FHIT: variants seen among roughly 807,000 people sequenced by gnomAD.
FHIT encodes the protein bis(5'-adenosyl)-triphosphatase.
Under a neutral mutation model 17.9 loss-of-function variants are expected in FHIT, and 19 were observed. The ratio of observed to expected loss-of-function variants is 1.06; its 90% CI spans 0.74 to 1.56. FHIT has a LOEUF of 1.56. Ranked by LOEUF, FHIT falls within the 40% of genes most tolerant of loss-of-function variation. The pLI is 0.00. For synonymous variants in FHIT, 81 were observed against 69.7 expected (o/e 1.16, Z -0.81); for missense variants, 248 against 189.2 (o/e 1.31, Z -1.82).
intron 4 of FHIT, among the ~76,000 whole-genome samples, chr3:60,763,138 A>T (rs1211521964): frequency 6.6e-6 from 1 of 152,088 alleles, no homozygotes; most frequent in Admixed American, 6.6e-5. Context: ...GAATATGAGT[A>T]CTCCTGACTC....
At chr3:60,116,135 A>C (rs1240308034) in intron 5 of FHIT, among the ~76,000 whole-genome samples, 5 of 152,240 alleles carry the variant, frequency 3.3e-5, no homozygotes, top group African/African-American at 1.2e-4. Context: ...GTGTTATGAC[A>C]AAGAAAAAGA....
intron 5 of FHIT, among the ~76,000 whole-genome samples, chr3:60,420,477 T>A (rs778849482): frequency 2.6e-5 from 4 of 152,184 alleles, no homozygotes; most frequent in African/African-American, 4.8e-5. Context: ...ATTTTTTTTA[T>A]TTAAAATGAT....
intron 5 of FHIT, among the ~76,000 whole-genome samples, chr3:60,089,544 T>C (rs1474525): frequency 2.6e-5 from 4 of 152,084 alleles, no homozygotes; most frequent in Non-Finnish European, 4.4e-5. Flanking sequence ...TTCTGGGTTA[T>C]GAACCTAAAT....
chr3:61,229,636 T>C (rs2040051389), intron 1 of FHIT, among the ~76,000 whole-genome samples: 1 of 152,172 alleles, frequency 6.6e-6, no homozygotes, highest in African/African-American at 2.4e-5. Flanking sequence ...AATACTCATC[T>C]CACAGGTCAG....
In FHIT at chr3:60,663,862, C is replaced by T. The variant is rs535572428; in HGVS notation, c.-17-126883G>A. Among the ~76,000 whole-genome samples, 454 of 152,288 alleles carry T rather than the reference C, an allele frequency of 3.0e-3. 1 individual carries two copies. The highest frequency in any genetic ancestry group is 5.3e-3 in the Non-Finnish European group (358 of 68,030). ...GATTAACTGTTGTATGCATCCTGCA[C>T]CCTTGCTGAACTCACTTGTTCTAGG... On this transcript the variant is annotated intron_variant, in intron 4 of 9. Coordinates refer to ENST00000492590, the MANE Select transcript of FHIT (RefSeq NM_002012.4).
chr3:60,886,780 A>T (rs1191121823), intron 3 of FHIT, among the ~76,000 whole-genome samples: 1 of 152,136 alleles, frequency 6.6e-6, no homozygotes, highest in Non-Finnish European at 1.5e-5. Flanking sequence ...CTTGAATGCC[A>T]GTTAATACAT....
At chr3:60,032,772 T>C (rs557878620) in intron 5 of FHIT, among the ~76,000 whole-genome samples, 31 of 149,100 alleles carry the variant, frequency 2.1e-4, no homozygotes, top group Middle Eastern at 3.6e-3. Context: ...CTTTTTGCGA[T>C]TGTTTACACT....
intron 2 of FHIT, among the ~76,000 whole-genome samples, chr3:61,109,432 G>T (rs1031465611): frequency 6.6e-6 from 1 of 152,112 alleles, no homozygotes; most frequent in Non-Finnish European, 1.5e-5. Context: ...GTTAAGTGAA[G>T]GTTGCCAGGT....
At chr3:60,493,650 A>G (rs1392874845) in intron 5 of FHIT, among the ~76,000 whole-genome samples, 1 of 152,172 alleles carries the variant, frequency 6.6e-6, no homozygotes, top group Admixed American at 6.5e-5. Context: ...TTAGACATGG[A>G]CATAAAGAAA....
chr3:60,123,548 A>G (rs987406451), intron 5 of FHIT, among the ~76,000 whole-genome samples: 78 of 152,312 alleles, frequency 5.1e-4, no homozygotes, highest in African/African-American at 1.8e-3. Context: ...TTCATTAAAC[A>G]TATTATAGAG....
At chr3:60,516,865 T>C (rs2035179648) in intron 5 of FHIT, among the ~76,000 whole-genome samples, 1 of 152,174 alleles carries the variant, frequency 6.6e-6, no homozygotes, top group African/African-American at 2.4e-5. Context: ...CATGTTATAA[T>C]AGGGATAATT....
intron 3 of FHIT, among the ~76,000 whole-genome samples, chr3:60,919,578 A>G (rs1304244698): frequency 6.6e-6 from 1 of 152,206 alleles, no homozygotes; most frequent in East Asian, 1.9e-4. Context: ...TATAGAGTTC[A>G]CAGAGAACTG....
At chr3:59,839,242 C>T (rs1421235805) in intron 8 of FHIT, among the ~76,000 whole-genome samples, 10 of 151,324 alleles carry the variant, frequency 6.6e-5, no homozygotes, top group African/African-American at 1.5e-4. Context: ...CGCTTGAACC[C>T]GGGATGCAGA....
At chr3:60,524,916 G>C (rs1168606965) in intron 5 of FHIT, among the ~76,000 whole-genome samples, 4 of 152,170 alleles carry the variant, frequency 2.6e-5, no homozygotes, top group Non-Finnish European at 5.9e-5. Context: ...AGGTTTCAAG[G>C]ATTGAGATAT....
At chr3:60,298,222 T>C (rs1223141950) in intron 5 of FHIT, among the ~76,000 whole-genome samples, 2 of 152,052 alleles carry the variant, frequency 1.3e-5, no homozygotes, top group Non-Finnish European at 2.9e-5. Context: ...ATTACAGCAT[T>C]GGCTACTGAT....
At chr3:61,191,713 G>T (rs555065614) in intron 2 of FHIT, among the ~76,000 whole-genome samples, 1 of 152,066 alleles carries the variant, frequency 6.6e-6, no homozygotes, top group Admixed American at 6.6e-5. Flanking sequence ...TATCCCTTTA[G>T]CTCCAAGGGC....
At chr3:60,201,328 A>C (rs1358682414) in intron 5 of FHIT, among the ~76,000 whole-genome samples, 1 of 152,042 alleles carries the variant, frequency 6.6e-6, no homozygotes, top group African/African-American at 2.4e-5. Flanking sequence ...TGTATTTCTG[A>C]GTGCCAATAC....
At chr3:60,189,118 A>C (rs1702286376) in intron 5 of FHIT, among the ~76,000 whole-genome samples, 1 of 152,074 alleles carries the variant, frequency 6.6e-6, no homozygotes, top group Admixed American at 6.6e-5. Context: ...ATTACTCTCA[A>C]TTACAGGCTT....
At chr3:61,004,755 C>A (rs1160382621) in intron 3 of FHIT, among the ~76,000 whole-genome samples, 2 of 152,044 alleles carry the variant, frequency 1.3e-5, no homozygotes, top group Non-Finnish European at 2.9e-5. Context: ...ATGAAGCATA[C>A]AGGTCAGCAG....
Sources: gnomAD v4.1 joint callset for allele counts (sites outside exome capture counted in the v4.1 genomes callset) on GRCh38, gnomAD v4.1.1 for gene constraint, MANE v1.5 for transcripts, NCBI Gene and HGNC (gene_info 2026-07-23, HGNC 2026-07-21) for gene names.